Variants in NLGN1 observed in about 807,000 individuals in gnomAD.
The protein encoded by NLGN1 is neuroligin-1.
Under a neutral mutation model 65.5 loss-of-function variants are expected in NLGN1, and 12 were observed. The observed-to-expected ratio is 0.18, with a 90% confidence interval of 0.12 to 0.30. The LOEUF (loss-of-function observed/expected upper bound fraction) is 0.30. NLGN1 is among the 10% of genes least tolerant of loss of function. NLGN1 has a pLI of 1.00. For missense variants in NLGN1, 750 were observed against 1,007.1 expected, an observed-to-expected ratio of 0.74 and a Z score of 3.46; for synonymous variants, 350 against 359.5, an observed-to-expected ratio of 0.97 and a Z score of 0.30.
chr3:174,192,788 T>C (rs1457377119), intron 4 of NLGN1, among the ~76,000 whole-genome samples: 1 of 152,174 alleles, frequency 6.6e-6, no homozygotes, highest in Non-Finnish European at 1.5e-5. Flanking sequence ...TATAACTTAC[T>C]TTCCTTGCCT....
chr3:173,714,838 A>T lies in NLGN1; in HGVS notation c.494-92842A>T, dbSNP rs146479308. ...AGCAACTGGTAGAAGAAAAGGAGGT[A>T]AATGAGCAGGGTAAAATGAGAAGGG... On this transcript the variant is annotated intron_variant, in intron 3 of 6. Transcript: ENST00000457714. Among the ~76,000 whole-genome samples the T allele has an allele frequency of 1.6e-3, 246 of 152,244 alleles. 2 individuals carry two copies. Among genetic ancestry groups the T allele is most frequent in the African/African-American group, 5.7e-3 (236 of 41,560 alleles).
At chr3:174,092,356 G>A (rs1181001488) in intron 4 of NLGN1, among the ~76,000 whole-genome samples, 2 of 152,146 alleles carry the variant, frequency 1.3e-5, no homozygotes, top group Admixed American at 6.5e-5. Flanking sequence ...TGTAGGTATA[G>A]GCATAAGATT....
intron 1 of NLGN1, among the ~76,000 whole-genome samples, chr3:173,418,237 A>T (rs1413349227): frequency 6.6e-6 from 1 of 151,544 alleles, no homozygotes. Context: ...TAATTAGTAT[A>T]CAATGTAATA....
At chr3:173,817,963 G>T (rs1290827647) in intron 4 of NLGN1, among the ~76,000 whole-genome samples, 2 of 152,162 alleles carry the variant, frequency 1.3e-5, no homozygotes, top group African/African-American at 4.8e-5. Flanking sequence ...CTCATTGCTA[G>T]TTAAAGCATT....
chr3:173,966,882 A>G (rs1455326336), intron 4 of NLGN1, among the ~76,000 whole-genome samples: 2 of 152,218 alleles, frequency 1.3e-5, no homozygotes, highest in African/African-American at 4.8e-5. Context: ...GACATGAACC[A>G]AGTTTTTAGG....
intron 4 of NLGN1, among the ~76,000 whole-genome samples, chr3:173,839,579 C>T (rs903712788): frequency 9.9e-5 from 15 of 152,012 alleles, no homozygotes; most frequent in Non-Finnish European, 1.8e-4. Flanking sequence ...TGCGCCATCA[C>T]GCCCGGCTAA....
chr3:174,016,903 A>G (rs772582344), intron 4 of NLGN1, among the ~76,000 whole-genome samples: 7 of 152,070 alleles, frequency 4.6e-5, no homozygotes, highest in Admixed American at 2.6e-4. Context: ...GAAACATTGG[A>G]TTGGGTTGAG....
At chr3:173,546,993 C>T (rs947431029) in intron 2 of NLGN1, among the ~76,000 whole-genome samples, 1 of 152,106 alleles carries the variant, frequency 6.6e-6, no homozygotes, top group African/African-American at 2.4e-5. Context: ...TTATAAGTCC[C>T]TTGCTTACTC....
chr3:173,948,705 C>T (rs1001042563), intron 4 of NLGN1, among the ~76,000 whole-genome samples: 6 of 152,114 alleles, frequency 3.9e-5, no homozygotes, highest in Non-Finnish European at 2.9e-5. Flanking sequence ...TGAATATTTA[C>T]GTGATATTTG....
chr3:173,399,400 C>T (rs141500710), intron 1 of NLGN1, among the ~76,000 whole-genome samples: 1 of 152,298 alleles, frequency 6.6e-6, no homozygotes, highest in African/African-American at 2.4e-5. Flanking sequence ...CCTTCTTCCA[C>T]CCCCAAAGTA....
At chr3:174,192,594 T>G (rs1018870392) in intron 4 of NLGN1, among the ~76,000 whole-genome samples, 1 of 152,166 alleles carries the variant, frequency 6.6e-6, no homozygotes, top group African/African-American at 2.4e-5. Flanking sequence ...GTATATGTAA[T>G]AAAAACAATG....
At chr3:173,509,429 A>G (rs973887458) in intron 2 of NLGN1, among the ~76,000 whole-genome samples, 1 of 152,120 alleles carries the variant, frequency 6.6e-6, no homozygotes, top group Admixed American at 6.6e-5. Flanking sequence ...CCTGGGTAAC[A>G]TGGTGAAACC....
At chr3:173,446,020 A>G (rs906064062) in intron 2 of NLGN1, among the ~76,000 whole-genome samples, 3 of 152,020 alleles carry the variant, frequency 2.0e-5, no homozygotes, top group Non-Finnish European at 4.4e-5. Context: ...TATCAGATGC[A>G]AATTCCATTA....
intron 4 of NLGN1, among the ~76,000 whole-genome samples, chr3:174,231,988 C>T (rs181086681): frequency 6.6e-6 from 1 of 152,254 alleles, no homozygotes; most frequent in Non-Finnish European, 1.5e-5. Context: ...TGCAAAGCAG[C>T]CCCCGGAATA....
rs993646103 is a variant in NLGN1 at position 173,640,949 on chromosome 3, C to G, written c.493+35858C>G. Among the ~76,000 whole-genome samples, 11 of 152,232 alleles carry G rather than the reference C, an allele frequency of 7.2e-5. No individual in the cohort carries two copies. The South Asian group carries it at 1.2e-3, about 17-fold the overall frequency. ...ATTTATGATACTATATATTTGAACACTTGGTTAAGACAGTGCCCATCATAT... is the reference window on the plus strand; with the variant it reads ...ATTTATGATACTATATATTTGAACAGTTGGTTAAGACAGTGCCCATCATAT... On this transcript the variant is annotated intron_variant, in intron 3 of 6. Transcript: ENST00000457714.
At chr3:174,006,591 C>T (rs1724448902) in intron 4 of NLGN1, among the ~76,000 whole-genome samples, 1 of 152,128 alleles carries the variant, frequency 6.6e-6, no homozygotes, top group Admixed American at 6.6e-5. Context: ...GCCAACCAAC[C>T]TATATTTTAT....
intron 4 of NLGN1, among the ~76,000 whole-genome samples, chr3:173,961,405 T>C (rs960436615): frequency 6.6e-6 from 1 of 152,120 alleles, no homozygotes; most frequent in Middle Eastern, 3.2e-3. Context: ...CTAATTACAA[T>C]GTATTATAAT....
At chr3:174,123,704 CTA>C (rs1218736188) in intron 4 of NLGN1, among the ~76,000 whole-genome samples, 9 of 152,050 alleles carry the variant, frequency 5.9e-5, no homozygotes, top group African/African-American at 2.2e-4. Flanking sequence ...TCTATTCTGC[CTA>C]TAGGTGCCAT....
chr3:174,215,542 A>G (rs1737433237), intron 4 of NLGN1, among the ~76,000 whole-genome samples: 1 of 152,128 alleles, frequency 6.6e-6, no homozygotes, highest in South Asian at 2.1e-4. Flanking sequence ...CAGGAGGGAA[A>G]GTATTTATTT....
Sources: gnomAD v4.1 joint callset for allele counts (sites outside exome capture counted in the v4.1 genomes callset) on GRCh38, gnomAD v4.1.1 for gene constraint, MANE v1.5 for transcripts, NCBI Gene and HGNC (gene_info 2026-07-23, HGNC 2026-07-21) for gene names.